Variants in SGCZ observed in about 807,000 individuals in gnomAD.
SGCZ encodes the protein sarcoglycan zeta.
Under a neutral mutation model 41.3 loss-of-function variants are expected in SGCZ, and 40 were observed. That is an observed-to-expected ratio of 0.97 (90% confidence interval 0.75 to 1.26). SGCZ has a LOEUF of 1.26. Ranked by LOEUF, SGCZ falls within the 50% of genes most tolerant of loss-of-function variation. The pLI, the probability that SGCZ is intolerant of heterozygous loss-of-function variation, is 0.00. For missense variants in SGCZ, 552 were observed against 369.8 expected, an observed-to-expected ratio of 1.49 and a Z score of -4.04; for synonymous variants, 206 against 137.5, an observed-to-expected ratio of 1.50 and a Z score of -3.49.
At chr8:14,526,633 G>T (rs1802958682) in intron 2 of SGCZ, among the ~76,000 whole-genome samples, 1 of 151,950 alleles carries the variant, frequency 6.6e-6, no homozygotes, top group Non-Finnish European at 1.5e-5. Context: ...TGCATTTCTT[G>T]ATTTCTTATA....
intron 4 of SGCZ, among the ~76,000 whole-genome samples, chr8:14,221,521 T>A (rs1300379348): frequency 6.6e-6 from 1 of 152,238 alleles, no homozygotes; most frequent in Non-Finnish European, 1.5e-5. Context: ...CTAGCAGCAG[T>A]AACTTACATA....
chr8:14,878,335 C>T (rs749225787), intron 1 of SGCZ, among the ~76,000 whole-genome samples: 88 of 151,634 alleles, frequency 5.8e-4, no homozygotes, highest in Non-Finnish European at 1.1e-3. Flanking sequence ...TATAACTTTC[C>T]CACATTTTGC....
intron 2 of SGCZ, among the ~76,000 whole-genome samples, chr8:14,502,365 C>T (rs73190244): frequency 0.17 from 26,221 of 152,002 alleles, 2,395 homozygotes; most frequent in South Asian, 0.24. Flanking sequence ...AATATTTATT[C>T]ATGTACGCAT....
chr8:14,880,987 G>A (rs1190856373), intron 1 of SGCZ, among the ~76,000 whole-genome samples: 1 of 151,822 alleles, frequency 6.6e-6, no homozygotes, highest in Non-Finnish European at 1.5e-5. Flanking sequence ...AGACAACTTA[G>A]TAAGAGCCCA....
chr8:14,961,125 G>A (rs573299981), intron 1 of SGCZ, among the ~76,000 whole-genome samples: 1 of 152,262 alleles, frequency 6.6e-6, no homozygotes, highest in Non-Finnish European at 1.5e-5. Context: ...GAAATTCACT[G>A]AATTGTATCT....
At chr8:14,907,462 G>C (rs923351113) in intron 1 of SGCZ, among the ~76,000 whole-genome samples, 34 of 152,152 alleles carry the variant, frequency 2.2e-4, no homozygotes, top group African/African-American at 7.5e-4. Context: ...TGCTAGAATT[G>C]CAGGCATAAG....
intron 2 of SGCZ, among the ~76,000 whole-genome samples, chr8:14,423,929 T>G (rs914876420): frequency 1.3e-5 from 2 of 152,120 alleles, no homozygotes; most frequent in Admixed American, 6.6e-5. Context: ...AGGTAACTCA[T>G]GAATCATTAA....
intron 2 of SGCZ, among the ~76,000 whole-genome samples, chr8:14,380,577 G>A (rs1254160799): frequency 5.3e-5 from 8 of 152,150 alleles, no homozygotes; most frequent in Admixed American, 2.0e-4. Flanking sequence ...ATGTAGGCCA[G>A]GCGTGGTGGC....
At chr8:14,784,950 TTA>T in intron 1 of SGCZ, among the ~76,000 whole-genome samples, 1 of 129,808 alleles carries the variant, frequency 7.7e-6, no homozygotes, top group East Asian at 2.1e-4. Context: ...TATATATTTT[TTA>T]TATTATATAT....
intron 1 of SGCZ, among the ~76,000 whole-genome samples, chr8:14,938,380 TTCC>T (rs1200246012): frequency 6.6e-6 from 1 of 152,140 alleles, no homozygotes; most frequent in Non-Finnish European, 1.5e-5. Flanking sequence ...ATCCCTCCTC[TTCC>T]TCCTCCTGCT....
chr8:14,896,661 G>A (rs1456093651), intron 1 of SGCZ, among the ~76,000 whole-genome samples: 4 of 151,802 alleles, frequency 2.6e-5, no homozygotes, highest in Non-Finnish European at 5.9e-5. Context: ...ATTTTCAGGA[G>A]AGACGGGGTT....
intron 2 of SGCZ, among the ~76,000 whole-genome samples, chr8:14,512,163 C>T (rs1029370346): frequency 1.3e-5 from 2 of 152,044 alleles, no homozygotes; most frequent in Admixed American, 1.3e-4. Flanking sequence ...TGGTACTGAC[C>T]ACAGATAATC....
At chr8:14,222,329 C>G (rs996454583) in intron 4 of SGCZ, among the ~76,000 whole-genome samples, 2 of 151,860 alleles carry the variant, frequency 1.3e-5, no homozygotes, top group Admixed American at 6.6e-5. Flanking sequence ...ACCACCATAC[C>G]CAACTAATTT....
At chr8:14,604,294 T>C (rs1393379455) in intron 1 of SGCZ, among the ~76,000 whole-genome samples, 1 of 152,142 alleles carries the variant, frequency 6.6e-6, no homozygotes, top group East Asian at 1.9e-4. Context: ...AGTAACTGCC[T>C]GGAGAGTTCT....
chr8:14,286,402 G>C (rs988514850), intron 3 of SGCZ, among the ~76,000 whole-genome samples: 2 of 152,102 alleles, frequency 1.3e-5, no homozygotes, highest in Non-Finnish European at 2.9e-5. Context: ...AATGCGTGCA[G>C]AGTATATTTA....
chr8:14,534,618 T>G (rs1385214358), intron 2 of SGCZ, among the ~76,000 whole-genome samples: 1 of 151,916 alleles, frequency 6.6e-6, no homozygotes, highest in African/African-American at 2.4e-5. Context: ...AATAGCTAAT[T>G]ACCGCACAGG....
At chr8:14,423,366 T>C (rs1799687927) in intron 2 of SGCZ, among the ~76,000 whole-genome samples, 1 of 152,102 alleles carries the variant, frequency 6.6e-6, no homozygotes, top group Admixed American at 6.6e-5. Context: ...TTTTTAAAGA[T>C]CTTATCCATT....
At chr8:14,260,797 G>A (rs891008325) in intron 3 of SGCZ, among the ~76,000 whole-genome samples, 1 of 152,058 alleles carries the variant, frequency 6.6e-6, no homozygotes, top group African/African-American at 2.4e-5. Context: ...GTCCTTTGTA[G>A]GGACATGGAT....
At chr8:14,440,258 C>T (rs923836761) in intron 2 of SGCZ, among the ~76,000 whole-genome samples, 7 of 152,088 alleles carry the variant, frequency 4.6e-5, no homozygotes, top group African/African-American at 1.7e-4. Flanking sequence ...CTCTATTTGA[C>T]TTGGGAAAAA....
Sources: allele counts gnomAD v4.1 joint callset (sites outside exome capture counted in the v4.1 genomes callset), GRCh38; gene constraint gnomAD v4.1.1; transcripts MANE v1.5; gene names NCBI Gene and HGNC (gene_info 2026-07-23, HGNC 2026-07-21).